ROCK1: variants seen among roughly 807,000 people sequenced by gnomAD.
ROCK1 encodes rho-associated protein kinase 1.
A neutral mutation model predicts 196.8 loss-of-function variants in ROCK1; 36 were observed. The ratio of observed to expected loss-of-function variants is 0.18; its 90% CI spans 0.14 to 0.24. The LOEUF (loss-of-function observed/expected upper bound fraction) is 0.24. ROCK1 is among the 10% of genes least tolerant of loss of function. ROCK1 has a pLI of 1.00. For synonymous variants in ROCK1, 443 were observed against 515.9 expected (o/e 0.86, Z 1.91); for missense variants, 920 against 1,562.0 (o/e 0.59, Z 6.93).
At chr18:21,039,615 A>C (rs2036087841) in intron 8 of ROCK1, 52 bp from the exon 9 acceptor site, 1 of 1,276,594 alleles carries the variant, frequency 7.8e-7, no homozygotes, top group Non-Finnish European at 1.1e-6. Flanking sequence ...ATCTTATTAT[A>C]ACCTGTCCAG....
At chr18:21,076,003 TGGA>T (rs2036427536) in intron 1 of ROCK1, among the ~76,000 whole-genome samples, 2 of 139,398 alleles carry the variant, frequency 1.4e-5, no homozygotes, top group South Asian at 4.7e-4. Flanking sequence ...GCAAAAATGG[TGGA>T]GGAGGACACA....
intron 10 of ROCK1, among the ~76,000 whole-genome samples, chr18:21,027,088 G>A (rs1336777450): frequency 7.9e-5 from 12 of 151,996 alleles, no homozygotes; most frequent in South Asian, 4.2e-4. Context: ...ACAGGCATAC[G>A]CCACGACACC....
intron 9 of ROCK1, among the ~76,000 whole-genome samples, chr18:21,038,924 C>A (rs2036081659): frequency 6.6e-6 from 1 of 152,114 alleles, no homozygotes; most frequent in South Asian, 2.1e-4. Flanking sequence ...AGAAAGTGTT[C>A]TAAACTGACT....
chr18:21,101,095 G>GTAT (rs1400729278), intron 1 of ROCK1, among the ~76,000 whole-genome samples: 1 of 152,194 alleles, frequency 6.6e-6, no homozygotes, highest in Non-Finnish European at 1.5e-5. Flanking sequence ...AAAGATTGAA[G>GTAT]TATTCATCCT....
intron 16 of ROCK1, among the ~76,000 whole-genome samples, chr18:20,996,830 T>G (rs1360678380): frequency 6.6e-6 from 1 of 152,240 alleles, no homozygotes; most frequent in African/African-American, 2.4e-5. Flanking sequence ...GTTTTCTCTT[T>G]GCTTGTTTGT....
chr18:20,997,418 T>C (rs2035681567), intron 16 of ROCK1, among the ~76,000 whole-genome samples: 1 of 152,168 alleles, frequency 6.6e-6, no homozygotes, highest in South Asian at 2.1e-4. Flanking sequence ...AATGTAATGA[T>C]AAAGGGGTCA....
chr18:21,007,968 G>C, intron 14 of ROCK1, 91 bp downstream of exon 14: 1 of 887,446 alleles, frequency 1.1e-6, no homozygotes, highest in African/African-American at 1.7e-5. Context: ...TAGGATTGTA[G>C]CTTCATGTAT....
chr18:21,079,810 C>T (rs1229836919), intron 1 of ROCK1, among the ~76,000 whole-genome samples: 1 of 152,176 alleles, frequency 6.6e-6, no homozygotes. Flanking sequence ...GGACCTCAGT[C>T]CATTTGCCCT....
chr18:21,028,732 C>T (rs778757797), intron 10 of ROCK1, 44 bp downstream of exon 10: 2 of 1,500,964 alleles, frequency 1.3e-6, no homozygotes, highest in Non-Finnish European at 1.8e-6. Context: ...TTTCTAAGAA[C>T]AAAATCAGCA....
intron 21 of ROCK1, 67 bp from the exon 22 acceptor site, chr18:20,980,071 A>T: frequency 7.1e-7 from 1 of 1,417,146 alleles, no homozygotes; most frequent in East Asian, 2.7e-5. Flanking sequence ...GCAGTTTCTT[A>T]TAAATTTAAA....
chr18:21,103,323 G>A (rs2143604567), intron 1 of ROCK1, among the ~76,000 whole-genome samples: 1 of 152,240 alleles, frequency 6.6e-6, no homozygotes, highest in South Asian at 2.1e-4. Context: ...ATGGTTGACA[G>A]TCTTACATTT....
Position 20,953,678 on chromosome 18 carries a change from G to A in ROCK1, c.3961C>T (p.Pro1321Ser). The stretch of plus-strand genomic sequence containing the variant: ...GGGGAAGCACGAACAAAACCAGATG[G>A]TGGATTCTTAGGGATTTTCTTTACT... ...HLVKKIPKNP[P>S]SGFVRASPRT... The change falls in exon 32 of 33, where the codon CCA becomes TCA. Residue 1321 changes from proline (P) to serine (S), a missense_variant. Physicochemically the swap from Pro to Ser is moderately conservative, Grantham distance 74 (BLOSUM62 -1). This residue lies in a region of ROCK1 where 49 missense variants were observed against 180.4 expected (regional missense o/e 0.27). Transcript: ENST00000399799. 6.2e-7 allele frequency: 1 copy of A among 1,609,584 alleles called. No homozygotes were observed. The highest frequency in any genetic ancestry group is 8.5e-7 in the Non-Finnish European group (1 of 1,178,956).
chr18:21,110,268 G>A (rs2036738965), intron 1 of ROCK1, among the ~76,000 whole-genome samples: 2 of 152,078 alleles, frequency 1.3e-5, no homozygotes, highest in South Asian at 4.1e-4. Flanking sequence ...AATTATCTTG[G>A]TTTTTTACAA....
intron 29 of ROCK1, among the ~76,000 whole-genome samples, chr18:20,958,903 A>ATTT (rs2035276900): frequency 9.3e-6 from 1 of 108,012 alleles, no homozygotes; most frequent in African/African-American, 3.7e-5. Context: ...TTATTTATAT[A>ATTT]TATATATTTT....
At chr18:21,105,644 A>G (rs973074884) in intron 1 of ROCK1, among the ~76,000 whole-genome samples, 4 of 152,222 alleles carry the variant, frequency 2.6e-5, no homozygotes, top group African/African-American at 9.6e-5. Flanking sequence ...ATTTCAGTTT[A>G]GCGACAGGGA....
chr18:21,058,323 A>G (rs779870760), intron 2 of ROCK1, among the ~76,000 whole-genome samples: 2 of 152,194 alleles, frequency 1.3e-5, no homozygotes, highest in Non-Finnish European at 2.9e-5. Context: ...ATCCTAGATT[A>G]TAAAACGTAC....
At chr18:20,966,874 C>A in intron 27 of ROCK1, 43 bp downstream of exon 27, 2 of 1,442,728 alleles carry the variant, frequency 1.4e-6, no homozygotes, top group East Asian at 2.4e-5. Flanking sequence ...CACTAATTTC[C>A]ATGACATTTA....
At chr18:21,028,444 A>G (rs2035979732) in intron 10 of ROCK1, among the ~76,000 whole-genome samples, 2 of 152,068 alleles carry the variant, frequency 1.3e-5, no homozygotes, top group African/African-American at 4.8e-5. Flanking sequence ...ACAAAACAAA[A>G]AAAGTCTACA....
At chr18:21,019,744 G>A (rs1395691638) in intron 12 of ROCK1, among the ~76,000 whole-genome samples, 2 of 151,066 alleles carry the variant, frequency 1.3e-5, no homozygotes, top group Non-Finnish European at 2.9e-5. Flanking sequence ...CTTGCAGTGA[G>A]CCAAGATCGT....
Sources: allele counts gnomAD v4.1 joint callset (sites outside exome capture counted in the v4.1 genomes callset), GRCh38; gene constraint gnomAD v4.1.1; regional missense constraint gnomAD v4.1.1; transcripts MANE v1.5; gene names NCBI Gene and HGNC (gene_info 2026-07-23, HGNC 2026-07-21).